Variants in PCED1B observed in about 807,000 individuals in gnomAD.
PCED1B encodes PC-esterase domain-containing protein 1B.
For synonymous variants in PCED1B, 251 were observed against 246.1 expected, an observed-to-expected ratio of 1.02 and a Z score of -0.19; for missense variants, 573 against 573.9, an observed-to-expected ratio of 1.00 and a Z score of 0.02.
chr12:47,098,922 C>T (rs1275505846), intron 1 of PCED1B, among the ~76,000 whole-genome samples: 3 of 152,170 alleles, frequency 2.0e-5, no homozygotes, highest in Non-Finnish European at 4.4e-5. Flanking sequence ...TGAAGTCTAG[C>T]TGGACTTTGT....
chr12:47,108,794 G>A (rs1425372668), intron 2 of PCED1B, among the ~76,000 whole-genome samples: 1 of 152,120 alleles, frequency 6.6e-6, no homozygotes, highest in Non-Finnish European at 1.5e-5. Context: ...GCTAGGCATG[G>A]CAGCTCACAC....
intron 2 of PCED1B, among the ~76,000 whole-genome samples, chr12:47,170,691 C>A (rs1941701730): frequency 6.6e-6 from 1 of 152,204 alleles, no homozygotes; most frequent in Non-Finnish European, 1.5e-5. Flanking sequence ...CATTAAAAAA[C>A]CAATAAACAG....
chr12:47,231,579 C>T (rs926522727), intron 3 of PCED1B, among the ~76,000 whole-genome samples: 2 of 152,084 alleles, frequency 1.3e-5, no homozygotes. Context: ...GATCTGGAGG[C>T]CCTTTCTGCC....
In PCED1B at chr12:47,114,688, A is replaced by G. The variant is rs549865207; in HGVS notation, c.-526+10493A>G. Among the ~76,000 whole-genome samples the G allele has an allele frequency of 3.9e-5, 6 of 152,336 alleles. No homozygotes were observed. In the South Asian group the frequency reaches 1.2e-3, roughly 32 times the overall value. On this transcript the variant is annotated intron_variant, in intron 2 of 3. Coordinates refer to ENST00000546455, the MANE Select transcript of PCED1B (RefSeq NM_138371.3). ...AGCCCAGAAGCCTTGAGGTTGCTGCACCAAGCCCTCCAGCTGGAGCAGGAA... is the reference window on the plus strand; with the variant it reads ...AGCCCAGAAGCCTTGAGGTTGCTGCGCCAAGCCCTCCAGCTGGAGCAGGAA...
intron 2 of PCED1B, among the ~76,000 whole-genome samples, chr12:47,155,417 T>C (rs922928937): frequency 8.5e-5 from 13 of 152,224 alleles, no homozygotes; most frequent in African/African-American, 3.1e-4. Context: ...GTAGAATTGA[T>C]GAAATATGAT....
chr12:47,084,926 A>C (rs1352121362), intron 1 of PCED1B, among the ~76,000 whole-genome samples: 1 of 152,202 alleles, frequency 6.6e-6, no homozygotes, highest in Non-Finnish European at 1.5e-5. Context: ...ACTTGAGGTC[A>C]GGAGTTGGGA....
intron 2 of PCED1B, among the ~76,000 whole-genome samples, chr12:47,180,705 A>G (rs7299627): frequency 0.29 from 43,927 of 152,028 alleles, 6,736 homozygotes; most frequent in Admixed American, 0.39. Context: ...CCATCTGACA[A>G]ATGTCTAATA....
At chr12:47,166,686 AAGT>A (rs1167977849) in intron 2 of PCED1B, among the ~76,000 whole-genome samples, 1 of 152,208 alleles carries the variant, frequency 6.6e-6, no homozygotes, top group Non-Finnish European at 1.5e-5. Context: ...TTCTACAAAC[AAGT>A]AACTAATCAA....
In PCED1B at chr12:47,112,903, A is replaced by T. The variant is rs146628790; in HGVS notation, c.-526+8708A>T. 1.2e-4 allele frequency among the ~76,000 whole-genome samples: 19 copies of T among 152,326 alleles called. No individual in the cohort carries two copies. The East Asian group carries it at 3.7e-3, about 29-fold the overall frequency. On this transcript the variant is annotated intron_variant, in intron 2 of 3. Coordinates refer to ENST00000546455, the MANE Select transcript of PCED1B (RefSeq NM_138371.3). The stretch of plus-strand genomic sequence containing the variant: ...AGAGAGCGGTAACAGCTTCTTGGGC[A>T]TGTCAGCCCTTGCACATACGACTGC...
chr12:47,121,682 A>G (rs911961394), intron 2 of PCED1B, among the ~76,000 whole-genome samples: 4 of 152,156 alleles, frequency 2.6e-5, no homozygotes, highest in Non-Finnish European at 5.9e-5. Flanking sequence ...TAGAGAAGTA[A>G]TTAAGAGCAC....
chr12:47,173,434 A>G (rs912910644), intron 2 of PCED1B, among the ~76,000 whole-genome samples: 7 of 152,202 alleles, frequency 4.6e-5, no homozygotes, highest in Admixed American at 3.9e-4. Context: ...TTGTATTTTT[A>G]GTAGAGACAG....
intron 1 of PCED1B, among the ~76,000 whole-genome samples, chr12:47,081,669 A>G (rs1937730503): frequency 6.6e-6 from 1 of 152,218 alleles, no homozygotes; most frequent in African/African-American, 2.4e-5. Flanking sequence ...CTTCAATTTT[A>G]TAGAGTTAGA....
intron 2 of PCED1B, among the ~76,000 whole-genome samples, chr12:47,119,223 C>G (rs563716922): frequency 6.6e-6 from 1 of 152,098 alleles, no homozygotes; most frequent in African/African-American, 2.4e-5. Flanking sequence ...TACCTCACAC[C>G]AAATATAAAA....
chr12:47,219,036 G>C lies in PCED1B; in HGVS notation c.-58+2347G>C, dbSNP rs372281813. ...AATGCCTGTGATCCCAGCTATTCCGGAGACTGAGGCAGGAGAATCACTTTA... is the reference window on the plus strand; with the variant it reads ...AATGCCTGTGATCCCAGCTATTCCGCAGACTGAGGCAGGAGAATCACTTTA... On this transcript the variant is annotated intron_variant, in intron 3 of 3. Coordinates refer to ENST00000546455, the MANE Select transcript of PCED1B (RefSeq NM_138371.3). Among the ~76,000 whole-genome samples, 910 of 152,224 alleles carry C rather than the reference G, an allele frequency of 6.0e-3. 6 individuals are homozygous for C. The highest frequency in any genetic ancestry group is 0.01 in the Non-Finnish European group (686 of 68,018).
At chr12:47,083,699 C>G (rs1937849207) in intron 1 of PCED1B, among the ~76,000 whole-genome samples, 1 of 152,138 alleles carries the variant, frequency 6.6e-6, no homozygotes, top group South Asian at 2.1e-4. Flanking sequence ...TTTCTGAACT[C>G]CAGGAGGCAT....
At chr12:47,226,735 T>A (rs143282750) in intron 3 of PCED1B, among the ~76,000 whole-genome samples, 19 of 152,256 alleles carry the variant, frequency 1.2e-4, no homozygotes, top group Non-Finnish European at 4.4e-5. Context: ...TCCATGATCT[T>A]TATTAAGTGA....
intron 1 of PCED1B, among the ~76,000 whole-genome samples, chr12:47,089,227 G>A (rs1381051389): frequency 1.3e-5 from 2 of 151,744 alleles, no homozygotes; most frequent in Admixed American, 6.6e-5. Flanking sequence ...CGGATCATGA[G>A]GTCAGGAGAT....
chr12:47,186,997 A>G (rs1428038780), intron 2 of PCED1B, among the ~76,000 whole-genome samples: 2 of 152,214 alleles, frequency 1.3e-5, no homozygotes, highest in Admixed American at 1.3e-4. Context: ...TCTCCTTGGA[A>G]GCAAAGATCT....
At chr12:47,214,898 T>C (rs1054292411) in intron 2 of PCED1B, among the ~76,000 whole-genome samples, 3 of 152,298 alleles carry the variant, frequency 2.0e-5, no homozygotes, top group African/African-American at 7.2e-5. Context: ...TGGCATATTT[T>C]TTATTTTTGA....
Sources: gnomAD v4.1 joint callset for allele counts (sites outside exome capture counted in the v4.1 genomes callset) on GRCh38, gnomAD v4.1.1 for gene constraint, MANE v1.5 for transcripts, NCBI Gene and HGNC (gene_info 2026-07-23, HGNC 2026-07-21) for gene names.